Variants in PARD3B observed in about 807,000 individuals in gnomAD.
The protein encoded by PARD3B is partitioning defective 3 homolog B.
A neutral mutation model predicts 130.2 loss-of-function variants in PARD3B; 103 were observed. The ratio of observed to expected loss-of-function variants is 0.79; its 90% confidence interval spans 0.67 to 0.93. PARD3B has a LOEUF of 0.93. Among genes scored for constraint, PARD3B ranks in the 40% least tolerant of loss-of-function variants. The probability of loss-of-function intolerance (pLI) is 0.00; values close to 1 mark genes in which losing one functional copy is unlikely to be tolerated. For synonymous variants in PARD3B, 583 were observed against 553.2 expected, an observed-to-expected ratio of 1.05 and a Z score of -0.76; for missense variants, 1,609 against 1,499.2, an observed-to-expected ratio of 1.07 and a Z score of -1.21.
At chr2:205,051,391 C>A (rs1481247146) in intron 4 of PARD3B, among the ~76,000 whole-genome samples, 1 of 152,202 alleles carries the variant, frequency 6.6e-6, no homozygotes, top group African/African-American at 2.4e-5. Flanking sequence ...AAATTTCCAT[C>A]TCTTCAAGAG....
chr2:204,847,170 C>CT lies in PARD3B; in HGVS notation c.223-117968dup, dbSNP rs528059401. Among the ~76,000 whole-genome samples, 342 of 135,606 alleles carry CT rather than the reference C, an allele frequency of 2.5e-3. 1 individual carries two copies. The Middle Eastern group carries it at 0.034, about 13-fold the overall frequency. 89.0% of individuals were successfully genotyped at this position (135,606 alleles called of 152,430 possible). ...CAGCTATTTTTCTGTAACTTTCTTTCTTTTTTTTTTTTTTGCTAAGCATTG... is the reference window on the plus strand; with the variant it reads ...CAGCTATTTTTCTGTAACTTTCTTTCTTTTTTTTTTTTTTTGCTAAGCATTG... On this transcript the variant is annotated intron_variant, in intron 2 of 22. Transcript: ENST00000406610.
chr2:204,741,554 A>G (rs553794641), intron 2 of PARD3B, among the ~76,000 whole-genome samples: 1 of 152,126 alleles, frequency 6.6e-6, no homozygotes, highest in African/African-American at 2.4e-5. Flanking sequence ...AGAGCCCTCC[A>G]TGTTATTTTC....
At chr2:205,017,215 G>T (rs945013967) in intron 3 of PARD3B, among the ~76,000 whole-genome samples, 1 of 152,102 alleles carries the variant, frequency 6.6e-6, no homozygotes, top group Non-Finnish European at 1.5e-5. Context: ...AATGCTTAGG[G>T]GAGTTGGACC....
intron 1 of PARD3B, among the ~76,000 whole-genome samples, chr2:204,652,555 C>G (rs2035515208): frequency 6.6e-6 from 1 of 152,220 alleles, no homozygotes; most frequent in Non-Finnish European, 1.5e-5. Flanking sequence ...TCCAGACTTT[C>G]CCACATCTTC....
chr2:204,732,413 A>G (rs1401463500), intron 2 of PARD3B, among the ~76,000 whole-genome samples: 3 of 152,028 alleles, frequency 2.0e-5, no homozygotes, highest in Non-Finnish European at 4.4e-5. Context: ...CCAGTGCTGG[A>G]TGGGAAACCA....
chr2:205,240,974 T>A (rs532238175), intron 15 of PARD3B, among the ~76,000 whole-genome samples: 4 of 152,322 alleles, frequency 2.6e-5, no homozygotes, highest in Admixed American at 6.5e-5. Context: ...GAGTGCCATC[T>A]TTTTCATAGA....
At chr2:204,913,183 T>C (rs548986467) in intron 2 of PARD3B, among the ~76,000 whole-genome samples, 5 of 152,340 alleles carry the variant, frequency 3.3e-5, no homozygotes, top group African/African-American at 4.8e-5. Flanking sequence ...ATAGACTGGT[T>C]CCCACAAATA....
chr2:205,067,496 C>A (rs1034366091), intron 4 of PARD3B, among the ~76,000 whole-genome samples: 4 of 152,008 alleles, frequency 2.6e-5, no homozygotes, highest in African/African-American at 9.7e-5. Flanking sequence ...ATTTGTGTTA[C>A]AGATAAATTT....
intron 1 of PARD3B, among the ~76,000 whole-genome samples, chr2:204,654,324 A>G (rs1003301362): frequency 2.0e-5 from 3 of 151,242 alleles, no homozygotes; most frequent in Non-Finnish European, 4.4e-5. Flanking sequence ...GTTAGTTTCT[A>G]ATTTTGATGT....
At chr2:205,106,233 C>T (rs1280680671) in intron 5 of PARD3B, among the ~76,000 whole-genome samples, 5 of 151,970 alleles carry the variant, frequency 3.3e-5, no homozygotes, top group Non-Finnish European at 7.4e-5. Context: ...CCGCAACCTC[C>T]GCCCCCCAGG....
intron 13 of PARD3B, among the ~76,000 whole-genome samples, chr2:205,184,316 G>A (rs1237140018): frequency 6.6e-6 from 1 of 152,178 alleles, no homozygotes; most frequent in Non-Finnish European, 1.5e-5. Context: ...CCCTTATTCT[G>A]TCATTCAGGG....
rs2051820375 is a variant in PARD3B, at chr2:205,535,702, G to T, written c.3181-17622G>T. Among the ~76,000 whole-genome samples the T allele has an allele frequency of 2.0e-5, 3 of 152,300 alleles. No individual in the cohort carries two copies. In the South Asian group the frequency reaches 6.2e-4, roughly 32 times the overall value. ...CCCTATGAGGCAGTGAGTTCATTCT[G>T]CCACCTTTATAATTTCCTCTTCCTG... is the stretch of plus-strand genomic sequence containing the variant. On this transcript the variant is annotated intron_variant, in intron 21 of 22. Transcript: ENST00000406610.
At chr2:204,763,750 A>G (rs2125413287) in intron 2 of PARD3B, among the ~76,000 whole-genome samples, 1 of 152,322 alleles carries the variant, frequency 6.6e-6, no homozygotes, top group South Asian at 2.1e-4. Context: ...CTGTTTAAAC[A>G]TTGAATCTCC....
At chr2:205,343,289 C>A (rs1414665445) in intron 18 of PARD3B, among the ~76,000 whole-genome samples, 3 of 152,154 alleles carry the variant, frequency 2.0e-5, no homozygotes, top group Non-Finnish European at 4.4e-5. Context: ...CCTTCCCCAG[C>A]TTTGTGTTGA....
In PARD3B at chr2:205,119,061, A is replaced by G. The variant is rs1559456948; in HGVS notation, c.806+15A>G. The G allele has an allele frequency of 1.9e-6, 3 of 1,593,810 alleles. No individual in the cohort carries two copies. The highest frequency in any genetic ancestry group is 3.4e-4 in the Middle Eastern group (2 of 5,952). On this transcript the variant is annotated intron_variant, in intron 7 of 22. Transcript: ENST00000406610. ...ACCTTTGCTCAGTAAGCATTTTTTC[A>G]TTGTTTTATTTACTTTCTTGATCCC...
rs900547014 is a variant in PARD3B, at chr2:205,287,434, A to T, written c.2186-13096A>T. On this transcript the variant is annotated intron_variant, in intron 16 of 22. Coordinates refer to ENST00000406610, the MANE Select transcript of PARD3B (RefSeq NM_001302769.2). This position sits in a 1 kb window ranked among gnomAD's most constrained non-coding sequence, Gnocchi z 4.8. ...TCTTCAGACTTGATTCTTACAGAAA[A>T]GCAAGATGGCTGCCAGAAGCTCCAG... Among the ~76,000 whole-genome samples the T allele has an allele frequency of 6.6e-6, 1 of 152,138 alleles. No homozygotes were observed. The highest frequency in any genetic ancestry group is 1.5e-5 in the Non-Finnish European group (1 of 68,020).
At chr2:204,660,717 C>T (rs558654777) in intron 1 of PARD3B, among the ~76,000 whole-genome samples, 2 of 152,054 alleles carry the variant, frequency 1.3e-5, no homozygotes, top group Admixed American at 6.6e-5. Flanking sequence ...ATTTATCCCC[C>T]CTCTGTGAAA....
chr2:204,960,680 A>G (rs918627791), intron 2 of PARD3B, among the ~76,000 whole-genome samples: 2 of 152,124 alleles, frequency 1.3e-5, no homozygotes, highest in African/African-American at 2.4e-5. Flanking sequence ...GCAAATTTAC[A>G]TTGAGCACCT....
chr2:205,500,383 G>T (rs1483103643), intron 21 of PARD3B, among the ~76,000 whole-genome samples: 3 of 152,134 alleles, frequency 2.0e-5, no homozygotes, highest in Non-Finnish European at 4.4e-5. Context: ...TTGGAAAATG[G>T]TGATTAGAAG....
Sources: allele counts gnomAD v4.1 joint callset (sites outside exome capture counted in the v4.1 genomes callset), GRCh38; gene constraint gnomAD v4.1.1; non-coding constraint Gnocchi (gnomAD v3.1); transcripts MANE v1.5; gene names NCBI Gene and HGNC (gene_info 2026-07-23, HGNC 2026-07-21).